The following NF1 variants were observed in gnomAD, a reference collection of about 807,000 sequenced individuals.
The protein encoded by NF1 is neurofibromin 1, also known as neurofibromin.
NF1 carries 122 observed loss-of-function variants against 325.7 expected under a neutral mutation model. The ratio of observed to expected loss-of-function variants is 0.37; its 90% CI spans 0.32 to 0.44. The LOEUF is 0.44. Ranked by LOEUF, NF1 falls within the 20% of genes least tolerant of loss-of-function variation. The pLI is 1.00. For synonymous variants in NF1, 1,091 were observed against 1,186.0 expected, an observed-to-expected ratio of 0.92 and a Z score of 1.65; for missense variants, 2,140 against 3,415.4, an observed-to-expected ratio of 0.63 and a Z score of 9.31.
chr17:31,342,809 T>C (rs1475938294), intron 47 of NF1, among the ~76,000 whole-genome samples, 200 bp from the exon 48 acceptor site: 5 of 152,224 alleles, frequency 3.3e-5, no homozygotes, highest in Non-Finnish European at 7.3e-5. Flanking sequence ...CATCTTCTTA[T>C]TTATATGCTT....
intron 50 of NF1, 58 bp from the exon 51 acceptor site, chr17:31,352,191 GGAGCAAAC>G: frequency 6.7e-7 from 1 of 1,495,726 alleles, no homozygotes; most frequent in Non-Finnish European, 9.3e-7. Flanking sequence ...CCACTTGGAA[GGAGCAAAC>G]GATGGTTGTA....
At chr17:31,320,486 T>A in intron 36 of NF1, 1 of 1,479,314 alleles carries the variant, frequency 6.8e-7, no homozygotes, top group East Asian at 2.3e-5. Flanking sequence ...GAAATGGTTG[T>A]TATATGTCAT....
Position 31,327,587 on chromosome 17 carries a change from C to T in NF1, c.5357C>T (p.Ser1786Leu), listed in dbSNP as rs1555533569. The change falls in exon 38 of 58, where the codon TCG (serine) becomes TTG (leucine). Residue 1786 changes from serine (S) to leucine (L), a missense_variant. Coordinates refer to ENST00000358273, the MANE Select transcript of NF1 (RefSeq NM_001042492.3). ...TTTCTAAATGACATTTATTATGCTT[C>T]GGAAATTGAAGAAATCTGCCTAGTA... ...SVFLNDIYYA[S>L]EIEEICLVDE... 5 of 1,614,048 alleles carry T rather than the reference C, an allele frequency of 3.1e-6. No homozygotes were observed. The highest frequency in any genetic ancestry group is 1.7e-5 in the Admixed American group (1 of 60,008).
intron 1 of NF1, chr17:31,137,127 GTTGT>G (rs1264306594): frequency 2.0e-5 from 3 of 151,936 alleles, no homozygotes; most frequent in African/African-American, 7.3e-5. Flanking sequence ...TCTCCTTTTT[GTTGT>G]TTGTTCTGTA....
intron 36 of NF1, among the ~76,000 whole-genome samples, chr17:31,292,879 T>C (rs2068370605): frequency 6.6e-6 from 1 of 152,088 alleles, no homozygotes; most frequent in East Asian, 1.9e-4. Context: ...CAGTTACCTC[T>C]AAGATACCTA....
chr17:31,301,690 G>A (rs1380432687), intron 36 of NF1, among the ~76,000 whole-genome samples: 1 of 152,110 alleles, frequency 6.6e-6, no homozygotes, highest in African/African-American at 2.4e-5. Flanking sequence ...CCAATAGTCA[G>A]GGAGCAAACT....
rs1383658117 is a variant in NF1, at chr17:31,374,021, A to C, written c.8386A>C (p.Lys2796Gln). The change falls in exon 58 of 58, where the codon AAG becomes CAG. Residue 2796 changes from lysine to glutamine, a missense_variant. This residue lies in a region of NF1 where 522 missense variants were observed against 749.0 expected (regional missense o/e 0.70). Transcript: ENST00000358273. ...ATSQHSPGID[K>Q]ENVELSPTTG... ...GTTCTCTTTTTCTCCAGGAATCGAC[A>C]AGGAGAACGTTGAACTCTCCCCTAC... 6 of 1,614,064 alleles carry C rather than the reference A, an allele frequency of 3.7e-6. No homozygotes were observed. In the East Asian group the frequency reaches 1.3e-4, roughly 36 times the overall value.
At chr17:31,318,479 T>C (rs1278549046) in intron 36 of NF1, 12 of 1,613,958 alleles carry the variant, frequency 7.4e-6, no homozygotes, top group African/African-American at 1.3e-5. Context: ...TCGCCATTGC[T>C]TCTAGGCTGA....
At chr17:31,368,098 GA>G (rs1311527420) in intron 57 of NF1, among the ~76,000 whole-genome samples, 4 of 152,072 alleles carry the variant, frequency 2.6e-5, no homozygotes, top group African/African-American at 4.8e-5. Context: ...CACCTAAACA[GA>G]AAAAGAAGTG....
intron 36 of NF1, chr17:31,304,171 T>G: frequency 7.9e-7 from 1 of 1,266,222 alleles, no homozygotes. Context: ...AAATCAAAAT[T>G]GACTATCAGT....
chr17:31,156,237 G>C (rs966389647), intron 2 of NF1, 111 bp downstream of exon 2: 2 of 1,258,478 alleles, frequency 1.6e-6, no homozygotes, highest in African/African-American at 3.0e-5. Flanking sequence ...GTGGACTTTG[G>C]ATATAACCAT....
intron 36 of NF1, among the ~76,000 whole-genome samples, chr17:31,271,211 C>T (rs1161751365): frequency 2.0e-5 from 3 of 152,118 alleles, no homozygotes; most frequent in East Asian, 1.9e-4. Context: ...AATAAGTTCT[C>T]GATTCCAGGC....
At chr17:31,262,041 TATTG>T (rs921031829) in intron 35 of NF1, among the ~76,000 whole-genome samples, 184 bp downstream of exon 35, 2 of 152,212 alleles carry the variant, frequency 1.3e-5, no homozygotes, top group African/African-American at 4.8e-5. Context: ...TTATTTTATA[TATTG>T]ATTGTCATAA....
chr17:31,196,220 G>C (rs1471982353), intron 8 of NF1, among the ~76,000 whole-genome samples: 1 of 150,706 alleles, frequency 6.6e-6, no homozygotes, highest in Admixed American at 6.6e-5. Context: ...CTATTTTATT[G>C]GTCTTTAAAA....
At chr17:31,317,472 TGTTA>T (rs1224378579) in intron 36 of NF1, 1 of 152,060 alleles carries the variant, frequency 6.6e-6, no homozygotes, top group African/African-American at 2.4e-5. Flanking sequence ...TGGTACTTGT[TGTTA>T]ATGTTCCAGT....
In NF1 at chr17:31,095,059, C is replaced by CCCCCT. The variant is rs1911513175; in HGVS notation, c.-241_-237dup. 1.9e-6 allele frequency: 1 copy of CCCCCT among 536,774 alleles called. No homozygotes were observed. The highest frequency in any genetic ancestry group is 3.3e-6 in the Non-Finnish European group (1 of 303,710). The allele number at this position is 536,774 out of a possible 1,614,324, so 33.3% of individuals were successfully genotyped here. ...GCTAGTGGGGAGAGCGACCAAGAGG[C>CCCCCT]CCCCTCCCCTCCCCGGGTCCCCTTC... On this transcript the variant is annotated 5_prime_UTR_variant, in exon 1 of 58. Coordinates refer to ENST00000358273, the MANE Select transcript of NF1 (RefSeq NM_001042492.3).
intron 14 of NF1, among the ~76,000 whole-genome samples, chr17:31,221,232 A>G (rs1185519353): frequency 1.3e-5 from 2 of 152,018 alleles, no homozygotes; most frequent in Non-Finnish European, 2.9e-5. Flanking sequence ...TATATGTTAT[A>G]TATTGTAAAT....
intron 48 of NF1, chr17:31,345,780 G>A: frequency 6.2e-7 from 1 of 1,613,918 alleles, no homozygotes; most frequent in Non-Finnish European, 8.5e-7. Flanking sequence ...CTGGCTCCTT[G>A]ATGGTTTTCC....
intron 36 of NF1, chr17:31,295,062 CT>C: frequency 6.2e-7 from 1 of 1,614,166 alleles, no homozygotes; most frequent in Non-Finnish European, 8.5e-7. Context: ...GAAGCATTTA[CT>C]TTCCAAGCAT....
Sources: gnomAD v4.1 joint callset for allele counts (sites outside exome capture counted in the v4.1 genomes callset) on GRCh38, gnomAD v4.1.1 for gene constraint, gnomAD v4.1.1 regional missense constraint, MANE v1.5 for transcripts, NCBI Gene and HGNC (gene_info 2026-07-23, HGNC 2026-07-21) for gene names.